The following GDAP2 variants were observed in gnomAD, a reference collection of about 807,000 sequenced individuals.
GDAP2 encodes the protein ganglioside induced differentiation associated protein 2, also known as ganglioside-induced differentiation-associated protein 2.
Under a neutral mutation model 67.0 loss-of-function variants are expected in GDAP2, and 51 were observed. The ratio of observed to expected loss-of-function variants is 0.76; its 90% CI spans 0.61 to 0.96. The LOEUF (loss-of-function observed/expected upper bound fraction) is 0.96, where lower values mean the gene tolerates loss of function less well. Ranked by LOEUF, GDAP2 falls within the 40% of genes least tolerant of loss-of-function variation. The probability of loss-of-function intolerance (pLI) is 0.00; values close to 1 mark genes in which losing one functional copy is unlikely to be tolerated. For synonymous variants in GDAP2, 203 were observed against 207.3 expected (o/e 0.98, Z 0.18); for missense variants, 547 against 588.3 (o/e 0.93, Z 0.73).
intron 3 of GDAP2, among the ~76,000 whole-genome samples, chr1:117,913,191 C>T (rs993881936): frequency 6.6e-6 from 1 of 152,064 alleles, no homozygotes. Flanking sequence ...AAACGAGTTA[C>T]TATATGCAAA....
Position 117,899,090 on chromosome 1 carries a change from T to G in GDAP2, c.763A>C (p.Ile255Leu), listed in dbSNP as rs1480447769. 6.2e-7 allele frequency: 1 copy of G among 1,613,534 alleles called. No individual in the cohort carries two copies. Among genetic ancestry groups the G allele is most frequent in the East Asian group, 2.2e-5 (1 of 44,872 alleles). Residue 255 changes from isoleucine (I) to leucine (L), a missense_variant, in exon 7 of 14, where the codon ATT becomes CTT. Ile to Leu is a conservative substitution (Grantham distance 5, BLOSUM62 2). Transcript: ENST00000369443. ...GCACCAGGTTTCTCACTTATTCTAA[T>G]CTGTCGTTCAGGTACCACAGGCTCC... ...EGEPVVPERQ[I>L]RISEKPGAPE...
Position 117,864,156 on chromosome 1 carries a change from G to A in GDAP2, c.*6413C>T, listed in dbSNP as rs1455632690. 1 of 152,206 alleles carries A rather than the reference G, an allele frequency of 6.6e-6. No homozygotes were observed. Among genetic ancestry groups the A allele is most frequent in the Non-Finnish European group, 1.5e-5 (1 of 68,044 alleles). 9.4% of individuals were successfully genotyped at this position (152,206 alleles called of 1,614,324 possible). The stretch of plus-strand genomic sequence containing the variant: ...ACTATGAGAATTATGCATTATTCAT[G>A]TTGATGAAACATTTTAAAATAATAT... On this transcript the variant is annotated 3_prime_UTR_variant, in exon 14 of 14. Transcript: ENST00000369443.
intron 13 of GDAP2, among the ~76,000 whole-genome samples, chr1:117,872,731 C>T (rs931657183): frequency 1.3e-5 from 2 of 152,022 alleles, no homozygotes; most frequent in African/African-American, 4.8e-5. Context: ...CTAATGCATG[C>T]TGGGCTTAAT....
intron 3 of GDAP2, among the ~76,000 whole-genome samples, chr1:117,917,783 G>A (rs1650101041): frequency 1.3e-5 from 2 of 152,162 alleles, no homozygotes; most frequent in Admixed American, 1.3e-4. Context: ...ATACACACAT[G>A]CCATTAGGAA....
At chr1:117,877,964 T>C (rs1241458777) in intron 13 of GDAP2, 45 bp downstream of exon 13, 1 of 1,610,050 alleles carries the variant, frequency 6.2e-7, no homozygotes, top group South Asian at 1.1e-5. Context: ...TATAGAACAG[T>C]TAATATACCA....
chr1:117,920,928 T>C (rs1650227879), intron 1 of GDAP2, among the ~76,000 whole-genome samples: 1 of 152,110 alleles, frequency 6.6e-6, no homozygotes, highest in Admixed American at 6.5e-5. Context: ...GAGGCAAACA[T>C]TTAAGAGGCA....
At chr1:117,886,437 C>T in intron 10 of GDAP2, 140 bp downstream of exon 10, 2 of 588,710 alleles carry the variant, frequency 3.4e-6, no homozygotes, top group Non-Finnish European at 6.1e-6. Context: ...TACAGGTCCA[C>T]TCATAGAACC....
At chr1:117,902,652 G>T (rs1006093212) in intron 6 of GDAP2, among the ~76,000 whole-genome samples, 2 of 152,132 alleles carry the variant, frequency 1.3e-5, no homozygotes, top group East Asian at 3.9e-4. Context: ...CCACAGTCTT[G>T]ATTACTACAG....
intron 1 of GDAP2, among the ~76,000 whole-genome samples, chr1:117,927,981 C>T (rs1210250112): frequency 2.0e-5 from 3 of 152,158 alleles, no homozygotes; most frequent in Non-Finnish European, 4.4e-5. Context: ...AGATGCATTA[C>T]CTTACCACTC....
intron 6 of GDAP2, among the ~76,000 whole-genome samples, chr1:117,901,139 T>A (rs964033105): frequency 6.6e-6 from 1 of 152,220 alleles, no homozygotes; most frequent in Non-Finnish European, 1.5e-5. Flanking sequence ...TTTAGCATGA[T>A]GTTTTCAAGG....
intron 9 of GDAP2, among the ~76,000 whole-genome samples, chr1:117,887,218 C>T (rs1348835754): frequency 1.3e-5 from 2 of 152,126 alleles, no homozygotes; most frequent in Admixed American, 6.6e-5. Flanking sequence ...ATATGAGCCA[C>T]GATGCCCAGC....
At chr1:117,903,292 C>A (rs1226807713) in intron 6 of GDAP2, among the ~76,000 whole-genome samples, 1 of 152,048 alleles carries the variant, frequency 6.6e-6, no homozygotes, top group African/African-American at 2.4e-5. Flanking sequence ...AATGTCTTGA[C>A]TAGAAACTCT....
In GDAP2 at chr1:117,920,225, G is replaced by T; in HGVS notation, c.133C>A (p.Pro45Thr). The change falls in exon 2 of 14, where the codon CCT (proline) becomes ACT (threonine). Residue 45 changes from proline (P) to threonine (T), a missense_variant. Physicochemically the swap from Pro to Thr is conservative, Grantham distance 38. Transcript: ENST00000369443. ...TTGACGTCCTTATTATAAAGAAAAG[G>T]TGATCGAACAGTGTCTTCCTGAAAT... ...EIFQEDTVRS[P>T]FLYNKDVNGK... 6.2e-7 allele frequency: 1 copy of T among 1,608,320 alleles called. No homozygotes were observed. The highest frequency in any genetic ancestry group is 8.5e-7 in the Non-Finnish European group (1 of 1,176,098).
intron 5 of GDAP2, among the ~76,000 whole-genome samples, chr1:117,907,416 T>C (rs1355217498): frequency 6.6e-6 from 1 of 152,220 alleles, no homozygotes; most frequent in Non-Finnish European, 1.5e-5. Flanking sequence ...CTATTAGGTA[T>C]ATCTGCTTAG....
chr1:117,928,611 CA>C (rs1650549907), intron 1 of GDAP2, among the ~76,000 whole-genome samples: 2 of 152,230 alleles, frequency 1.3e-5, no homozygotes, highest in Non-Finnish European at 2.9e-5. Context: ...TCATCATACG[CA>C]TTCTTTGCTA....
chr1:117,903,560 A>T (rs1649553922), intron 6 of GDAP2, among the ~76,000 whole-genome samples: 1 of 152,132 alleles, frequency 6.6e-6, no homozygotes, highest in Non-Finnish European at 1.5e-5. Flanking sequence ...TTCTATTAGT[A>T]TGATATATTA....
intron 6 of GDAP2, among the ~76,000 whole-genome samples, chr1:117,901,127 C>A (rs1267010940): frequency 1.3e-5 from 2 of 152,126 alleles, no homozygotes; most frequent in Non-Finnish European, 2.9e-5. Flanking sequence ...TGGTTTCTTT[C>A]ATTTAGCATG....
chr1:117,929,365 A>G (rs1346753776), intron 1 of GDAP2, 83 bp downstream of exon 1: 2 of 152,822 alleles, frequency 1.3e-5, no homozygotes, highest in African/African-American at 4.8e-5. Flanking sequence ...AATCCTGACC[A>G]GGGCCGAGTC....
At position 117,863,700 on chromosome 1, in the gene GDAP2, T is replaced by C. The variant is rs904868041; in HGVS notation, c.*6869A>G. ...ATAAGCAATTTACATTGATATTCTA[T>C]ATTTAAATTATGTTTTATAAAAGCA... On this transcript the variant is annotated 3_prime_UTR_variant, in exon 14 of 14. Transcript: ENST00000369443. The C allele has an allele frequency of 6.6e-6, 1 of 152,252 alleles. No individual in the cohort carries two copies. Among genetic ancestry groups the C allele is most frequent in the African/African-American group, 2.4e-5 (1 of 41,468 alleles). The allele number at this position is 152,252 out of a possible 1,614,324, so 9.4% of individuals were successfully genotyped here.
Sources: allele counts gnomAD v4.1 joint callset (sites outside exome capture counted in the v4.1 genomes callset), GRCh38; gene constraint gnomAD v4.1.1; transcripts MANE v1.5; gene names NCBI Gene and HGNC (gene_info 2026-07-23, HGNC 2026-07-21).